Variants in KIF1B observed in about 807,000 individuals in gnomAD.
KIF1B encodes the protein kinesin-like protein KIF1B.
KIF1B carries 76 observed loss-of-function variants against 241.9 expected under a neutral mutation model. That is an observed-to-expected ratio of 0.31 (90% CI 0.26 to 0.38). The LOEUF (loss-of-function observed/expected upper bound fraction) is 0.38. Among genes scored for constraint, KIF1B ranks in the 10% least tolerant of loss-of-function variants. The pLI is 1.00. For missense variants in KIF1B, 1,622 were observed against 2,271.4 expected (o/e 0.71, Z 5.81); for synonymous variants, 750 against 796.7 (o/e 0.94, Z 0.99).
chr1:10,305,207 A>G (rs1650767666), intron 22 of KIF1B: 1 of 1,045,944 alleles, frequency 9.6e-7, no homozygotes, highest in Non-Finnish European at 1.2e-6. Context: ...CTTCAAACAT[A>G]TCTTGCAATA....
rs563083720 is a variant in KIF1B at position 10,334,479 on chromosome 1, C to T, written c.2925-41C>T. The T allele has an allele frequency of 2.3e-5, 33 of 1,420,052 alleles. 1 individual carries two copies. The highest frequency in any genetic ancestry group is 3.4e-5 in the Admixed American group (2 of 59,690). The allele number at this position is 1,420,052 out of a possible 1,614,324, so 88.0% of individuals were successfully genotyped here. A position where few individuals can be genotyped will look rare whatever the true frequency, so the allele number is the denominator to read the frequency against. ...GAATCTGAAAGCCAGTTTATCTCTC[C>T]ATGGATGTTCTGACATTTGTCTCCT... On this transcript the variant is annotated intron_variant, in intron 27 of 48. Transcript: ENST00000676179.
At chr1:10,285,256 A>G (rs1649630206) in intron 15 of KIF1B, among the ~76,000 whole-genome samples, 1 of 152,182 alleles carries the variant, frequency 6.6e-6, no homozygotes, top group Admixed American at 6.5e-5. Context: ...TGCTTATTAA[A>G]GCCTTAGCTC....
At chr1:10,368,773 G>A (rs1638644200) in intron 44 of KIF1B, among the ~76,000 whole-genome samples, 1 of 152,188 alleles carries the variant, frequency 6.6e-6, no homozygotes. Context: ...ATTATCAGAT[G>A]GGAAACATTT....
intron 22 of KIF1B, among the ~76,000 whole-genome samples, chr1:10,302,042 G>A (rs1203342373): frequency 6.6e-6 from 1 of 152,118 alleles, no homozygotes; most frequent in Non-Finnish European, 1.5e-5. Flanking sequence ...TGATCTTTCT[G>A]TTTTATGTGT....
intron 14 of KIF1B, among the ~76,000 whole-genome samples, chr1:10,281,863 C>T (rs780362023): frequency 4.6e-5 from 7 of 152,190 alleles, no homozygotes; most frequent in Non-Finnish European, 1.0e-4. Flanking sequence ...AACACTGAGC[C>T]AGACCAATAT....
chr1:10,343,384 T>C, intron 34 of KIF1B, 97 bp downstream of exon 34: 1 of 1,107,800 alleles, frequency 9.0e-7, no homozygotes, highest in Non-Finnish European at 1.4e-6. Context: ...TGAATTCCTA[T>C]TCTTCTATAT....
At chr1:10,368,362 C>G (rs1477500655) in intron 43 of KIF1B, 105 bp from the exon 44 acceptor site, 10 of 864,532 alleles carry the variant, frequency 1.2e-5, no homozygotes, top group Admixed American at 5.3e-5. Context: ...TCCATGCCCT[C>G]CCCGGGAACT....
At position 10,320,149 on chromosome 1, in the gene KIF1B, G is replaced by C; in HGVS notation, c.2209+13G>C. 1 of 1,567,600 alleles carries C rather than the reference G, an allele frequency of 6.4e-7. No individual in the cohort carries two copies. The highest frequency in any genetic ancestry group is 8.8e-7 in the Non-Finnish European group (1 of 1,138,424). ...GAAGAGGAAGAAGGTGAAATCTAGA[G>C]ACCGAAAGTTTCCTGTGTATATCTT... is the stretch of plus-strand genomic sequence containing the variant. On this transcript the variant is annotated intron_variant, in intron 23 of 48. Coordinates refer to ENST00000676179, the MANE Select transcript of KIF1B (RefSeq NM_001365951.3).
intron 5 of KIF1B, among the ~76,000 whole-genome samples, chr1:10,264,206 G>T (rs1464194338): frequency 1.3e-5 from 2 of 152,074 alleles, no homozygotes; most frequent in African/African-American, 4.8e-5. Flanking sequence ...TATGTTTGTT[G>T]TTTATTATCA....
intron 28 of KIF1B, 125 bp from the exon 29 acceptor site, chr1:10,336,532 G>A (rs75565572): frequency 1.2e-3 from 971 of 788,730 alleles, no homozygotes; most frequent in Middle Eastern, 1.8e-3. Context: ...AGCCCATGCC[G>A]TGTTACTACT....
At chr1:10,360,544 G>T (rs1638392997) in intron 38 of KIF1B, among the ~76,000 whole-genome samples, 1 of 152,018 alleles carries the variant, frequency 6.6e-6, no homozygotes, top group South Asian at 2.1e-4. Context: ...AATTAGCCAG[G>T]CGTGGTGGCG....
At chr1:10,351,794 C>T (rs1328642503) in intron 37 of KIF1B, among the ~76,000 whole-genome samples, 5 of 151,834 alleles carry the variant, frequency 3.3e-5, no homozygotes, top group African/African-American at 9.7e-5. Context: ...AGTGGGGCCC[C>T]GTCTCTACAA....
intron 1 of KIF1B, among the ~76,000 whole-genome samples, chr1:10,215,039 A>G (rs1030282203): frequency 2.0e-5 from 3 of 150,194 alleles, no homozygotes; most frequent in South Asian, 2.1e-4. Flanking sequence ...TTATTATCTA[A>G]TACTCAATTG....
chr1:10,279,073 A>G, intron 13 of KIF1B, 24 bp from the exon 14 acceptor site: 2 of 1,537,616 alleles, frequency 1.3e-6, no homozygotes, highest in Middle Eastern at 1.7e-4. Flanking sequence ...CCCTTCTCGT[A>G]TTTTCCCTCC....
intron 38 of KIF1B, among the ~76,000 whole-genome samples, chr1:10,353,424 T>TAA: frequency 6.6e-6 from 1 of 152,228 alleles, no homozygotes; most frequent in Non-Finnish European, 1.5e-5. Flanking sequence ...AGACTAGAAC[T>TAA]AAACCAGCTG....
intron 38 of KIF1B, among the ~76,000 whole-genome samples, 197 bp from the exon 39 acceptor site, chr1:10,360,732 G>A (rs1273977836): frequency 6.6e-6 from 1 of 151,898 alleles, no homozygotes; most frequent in Admixed American, 6.6e-5. Context: ...AATGATGGGT[G>A]GGGTTGGGAG....
chr1:10,346,827 T>TG (rs1294638250), intron 35 of KIF1B, among the ~76,000 whole-genome samples: 2 of 152,230 alleles, frequency 1.3e-5, no homozygotes, highest in African/African-American at 2.4e-5. Flanking sequence ...CAGCACTATT[T>TG]GGGGCTGGAT....
At chr1:10,362,403 G>A (rs1191508985) in intron 40 of KIF1B, among the ~76,000 whole-genome samples, 1 of 151,600 alleles carries the variant, frequency 6.6e-6, no homozygotes, top group East Asian at 1.9e-4. Context: ...TTGAGCTTGG[G>A]AGGTTGAGGT....
At chr1:10,259,505 A>T (rs58188818) in intron 4 of KIF1B, among the ~76,000 whole-genome samples, 29,589 of 121,162 alleles carry the variant, frequency 0.24, 4,146 homozygotes, top group Non-Finnish European at 0.32. Flanking sequence ...AAAAAAAAAA[A>T]TTTTTTTTTT....
Sources: allele counts gnomAD v4.1 joint callset (sites outside exome capture counted in the v4.1 genomes callset), GRCh38; gene constraint gnomAD v4.1.1; transcripts MANE v1.5; gene names NCBI Gene and HGNC (gene_info 2026-07-23, HGNC 2026-07-21).